MATN2: variants seen among roughly 807,000 people sequenced by gnomAD.
The protein encoded by MATN2 is matrilin 2, also known as matrilin-2.
In MATN2, 69 loss-of-function variants were observed where a neutral mutation model predicts 103.2. That is an observed-to-expected ratio of 0.67 (90% confidence interval 0.55 to 0.82). MATN2 has a LOEUF of 0.82. Ranked by LOEUF, MATN2 falls within the 40% of genes least tolerant of loss-of-function variation. MATN2 has a pLI of 0.00. For synonymous variants in MATN2, 429 were observed against 450.2 expected (o/e 0.95, Z 0.60); for missense variants, 1,023 against 1,211.5 (o/e 0.84, Z 2.31).
chr8:97,871,130 C>T (rs999599128), intron 1 of MATN2, among the ~76,000 whole-genome samples: 6 of 152,124 alleles, frequency 3.9e-5, no homozygotes, highest in African/African-American at 1.4e-4. Flanking sequence ...CTCTTATCAG[C>T]GAGTGCCATA....
At chr8:97,937,714 A>G (rs758323810) in intron 3 of MATN2, among the ~76,000 whole-genome samples, 2 of 146,414 alleles carry the variant, frequency 1.4e-5, no homozygotes, top group Non-Finnish European at 3.0e-5. Context: ...TCAGCCTCCC[A>G]AGTAGCTGAG....
chr8:97,884,555 TG>T (rs1478869915), intron 1 of MATN2, among the ~76,000 whole-genome samples: 1 of 151,546 alleles, frequency 6.6e-6, no homozygotes, highest in Non-Finnish European at 1.5e-5. Flanking sequence ...GAAGCTGAGG[TG>T]AGTGAGGAGT....
intron 2 of MATN2, among the ~76,000 whole-genome samples, chr8:97,890,005 T>G (rs1334709132): frequency 1.3e-5 from 2 of 152,188 alleles, no homozygotes; most frequent in African/African-American, 4.8e-5. Context: ...CATCCAGCAT[T>G]GATTCCTTCT....
At chr8:97,911,736 T>C (rs1406877219) in intron 2 of MATN2, among the ~76,000 whole-genome samples, 1 of 152,028 alleles carries the variant, frequency 6.6e-6, no homozygotes, top group Admixed American at 6.6e-5. Context: ...AATAAAGTTA[T>C]GCGGCCAGTG....
At chr8:97,992,609 A>G (rs111307245) in intron 6 of MATN2, among the ~76,000 whole-genome samples, 27,935 of 151,510 alleles carry the variant, frequency 0.18, 3,425 homozygotes, top group African/African-American at 0.34. Context: ...AGCTGGGCAC[A>G]GTGGCAGGCG....
intron 12 of MATN2, among the ~76,000 whole-genome samples, chr8:98,019,216 C>A (rs935445759): frequency 9.3e-5 from 14 of 149,906 alleles, no homozygotes; most frequent in Non-Finnish European, 1.6e-4. Flanking sequence ...AATGGACATA[C>A]ACACACACAC....
At chr8:98,015,109 C>A (rs932589739) in intron 10 of MATN2, among the ~76,000 whole-genome samples, 1 of 152,180 alleles carries the variant, frequency 6.6e-6, no homozygotes, top group Non-Finnish European at 1.5e-5. Flanking sequence ...GTTGCTCAGT[C>A]CAGCAACCTG....
chr8:98,013,278 G>A (rs1813234535), intron 10 of MATN2, among the ~76,000 whole-genome samples: 1 of 152,194 alleles, frequency 6.6e-6, no homozygotes, highest in Non-Finnish European at 1.5e-5. Context: ...CATCCCTGAA[G>A]GGCAGAAACT....
intron 5 of MATN2, among the ~76,000 whole-genome samples, chr8:97,965,954 A>G (rs950500107): frequency 6.6e-6 from 1 of 152,158 alleles, no homozygotes; most frequent in South Asian, 2.1e-4. Context: ...ATTGCACTCC[A>G]GCCTGGGCAA....
At chr8:97,901,181 TGAA>T (rs1190730463) in intron 2 of MATN2, among the ~76,000 whole-genome samples, 3 of 152,162 alleles carry the variant, frequency 2.0e-5, no homozygotes, top group South Asian at 2.1e-4. Context: ...GTCTCCAAAG[TGAA>T]GAAGAATAGG....
rs201718231 is a variant in MATN2 at position 98,007,591 on chromosome 8, G to A, written c.1563G>A (p.Lys521=). 623 of 1,611,478 alleles carry A rather than the reference G, an allele frequency of 3.9e-4. 2 individuals carry two copies. Among genetic ancestry groups the A allele is most frequent in the Non-Finnish European group, 5.0e-4 (589 of 1,177,836 alleles). ...PEGHVLRSDG[K]TCAKLDSCAL... is the part of the protein sequence containing the mutation. ...GACACGTGCTCCGCAGCGATGGGAAGACGTGTGCAAGTAAGTGTCTGAAGG... is the reference window on the plus strand; with the variant it reads ...GACACGTGCTCCGCAGCGATGGGAAAACGTGTGCAAGTAAGTGTCTGAAGG... Residue 521 remains lysine, a synonymous_variant, in exon 10 of 19, where the codon AAG becomes AAA. Transcript: ENST00000254898. The surrounding 1 kb of genome is among the most constrained non-coding windows in gnomAD (Gnocchi z 4.2).
At chr8:97,966,956 C>CCAGCAT (rs1486618887) in intron 5 of MATN2, among the ~76,000 whole-genome samples, 2 of 152,160 alleles carry the variant, frequency 1.3e-5, no homozygotes, top group African/African-American at 4.8e-5. Flanking sequence ...AAGCATGACA[C>CCAGCAT]CAGCATCTGC....
rs928804402 is a variant in MATN2, at chr8:98,007,672, G to A, written c.1573+71G>A. 51 of 1,534,674 alleles carry A rather than the reference G, an allele frequency of 3.3e-5. No individual in the cohort carries two copies. In the African/African-American group the frequency reaches 4.2e-4, roughly 13 times the overall value. On this transcript the variant is annotated intron_variant, in intron 10 of 18. Transcript: ENST00000254898. This position sits in a 1 kb window ranked among gnomAD's most constrained non-coding sequence, Gnocchi z 4.2. The stretch of plus-strand genomic sequence containing the variant: ...GTGCCGGTGTGGGTGCGCTGCCGAC[G>A]TGTATATGTGCCTGTGTGTCCTGTC...
rs1404870567 is a variant in MATN2 at position 97,982,351 on chromosome 8, C to T, written c.1081+3343C>T. ...AGAAGCTCAGAACCGAAGCAGCCACCCTGTTTTAGTGAGTACCAAGGCCTC... is the reference window on the plus strand; with the variant it reads ...AGAAGCTCAGAACCGAAGCAGCCACTCTGTTTTAGTGAGTACCAAGGCCTC... On this transcript the variant is annotated intron_variant, in intron 6 of 18. Coordinates refer to ENST00000254898, the MANE Select transcript of MATN2 (RefSeq NM_002380.5). This position sits in a 1 kb window ranked among gnomAD's most constrained non-coding sequence, Gnocchi z 4.3. Among the ~76,000 whole-genome samples, 3 of 141,600 alleles carry T rather than the reference C, an allele frequency of 2.1e-5. No homozygotes were observed. The highest frequency in any genetic ancestry group is 2.1e-4 in the South Asian group (1 of 4,756). 92.9% of individuals were successfully genotyped at this position (141,600 alleles called of 152,430 possible).
intron 3 of MATN2, among the ~76,000 whole-genome samples, chr8:97,939,656 TA>T (rs1165748625): frequency 3.9e-5 from 6 of 152,238 alleles, no homozygotes; most frequent in Admixed American, 1.3e-4. Flanking sequence ...TCTCACAAAA[TA>T]AACTAAATTT....
At chr8:97,971,607 T>G (rs536202316) in intron 5 of MATN2, among the ~76,000 whole-genome samples, 7 of 152,272 alleles carry the variant, frequency 4.6e-5, no homozygotes, top group African/African-American at 1.4e-4. Flanking sequence ...TCAAAGACCA[T>G]TTATCTAGAT....
At chr8:98,014,005 A>T (rs1162373596) in intron 10 of MATN2, among the ~76,000 whole-genome samples, 2 of 152,206 alleles carry the variant, frequency 1.3e-5, no homozygotes, top group East Asian at 3.9e-4. Context: ...GCTACTCAGG[A>T]GGCTAAGGTG....
At chr8:97,950,210 G>C (rs1378058037) in intron 4 of MATN2, among the ~76,000 whole-genome samples, 2 of 152,244 alleles carry the variant, frequency 1.3e-5, no homozygotes, top group African/African-American at 4.8e-5. Flanking sequence ...GGTTTCGGAA[G>C]TAAGTAGTGG....
In MATN2 at chr8:97,994,938, GA is replaced by G. The variant is rs1198180240; in HGVS notation, c.1204+338del. ...AGAATGGGCCCAGAGATGAGAGGTA[GA>G]AGGAGTTGGTTTCTTCTACTCCTAC... is the stretch of plus-strand genomic sequence containing the variant. On this transcript the variant is annotated intron_variant, in intron 7 of 18. Transcript: ENST00000254898. Among the ~76,000 whole-genome samples the G allele has an allele frequency of 1.2e-4, 18 of 152,216 alleles. 1 individual carries two copies. Among genetic ancestry groups the G allele is most frequent in the Middle Eastern group, 3.2e-3 (1 of 316 alleles).
Sources: gnomAD v4.1 joint callset for allele counts (sites outside exome capture counted in the v4.1 genomes callset) on GRCh38, gnomAD v4.1.1 for gene constraint, Gnocchi (gnomAD v3.1) non-coding constraint, MANE v1.5 for transcripts, NCBI Gene and HGNC (gene_info 2026-07-23, HGNC 2026-07-21) for gene names.